MORC1: variants seen among roughly 807,000 people sequenced by gnomAD.
The protein encoded by MORC1 is MORC family CW-type zinc finger 1, also known as MORC family CW-type zinc finger protein 1.
MORC1 carries 59 observed loss-of-function variants against 134.9 expected under a neutral mutation model. The observed-to-expected ratio is 0.44, with a 90% CI of 0.35 to 0.54. MORC1 has a LOEUF of 0.54. Ranked by LOEUF, MORC1 falls within the 20% of genes least tolerant of loss-of-function variation. The pLI is 0.00. For synonymous variants in MORC1, 395 were observed against 391.7 expected (o/e 1.01, Z -0.10); for missense variants, 947 against 1,134.5 (o/e 0.83, Z 2.37).
At chr3:108,974,719 G>T (rs751625375) in intron 24 of MORC1, among the ~76,000 whole-genome samples, 1 of 152,136 alleles carries the variant, frequency 6.6e-6, no homozygotes, top group Non-Finnish European at 1.5e-5. Flanking sequence ...AGAATTTTAC[G>T]CCCAGAGTTG....
chr3:109,050,800 C>T (rs983466838), intron 14 of MORC1, among the ~76,000 whole-genome samples: 2 of 152,070 alleles, frequency 1.3e-5, no homozygotes, highest in Admixed American at 1.3e-4. Flanking sequence ...TTTCCTTTCA[C>T]GGGTGGCCTG....
At chr3:109,006,648 C>T (rs1283547621) in intron 18 of MORC1, among the ~76,000 whole-genome samples, 1 of 151,866 alleles carries the variant, frequency 6.6e-6, no homozygotes, top group East Asian at 1.9e-4. Context: ...AGGAATATAA[C>T]GTAACATGAC....
intron 8 of MORC1, among the ~76,000 whole-genome samples, chr3:109,082,378 T>C (rs746174513): frequency 7.9e-5 from 12 of 151,772 alleles, no homozygotes; most frequent in Non-Finnish European, 1.3e-4. Flanking sequence ...TGCAAAGACA[T>C]AGATGTACAT....
At chr3:108,990,353 C>T (rs1032015773) in intron 21 of MORC1, among the ~76,000 whole-genome samples, 21 of 152,218 alleles carry the variant, frequency 1.4e-4, no homozygotes, top group Middle Eastern at 3.4e-3. Context: ...ACCTCTCTGT[C>T]GTCATCTCAC....
At chr3:109,037,480 T>C (rs1034595234) in intron 14 of MORC1, among the ~76,000 whole-genome samples, 3 of 152,234 alleles carry the variant, frequency 2.0e-5, no homozygotes, top group African/African-American at 4.8e-5. Flanking sequence ...CTAGGGTACA[T>C]GTGCACAACG....
At chr3:109,077,752 C>G (rs1430914113) in intron 8 of MORC1, among the ~76,000 whole-genome samples, 2 of 151,984 alleles carry the variant, frequency 1.3e-5, no homozygotes, top group African/African-American at 4.8e-5. Context: ...AACGTATAAG[C>G]AGGCAGAGCA....
At chr3:109,007,760 T>G (rs1948579828) in intron 17 of MORC1, among the ~76,000 whole-genome samples, 1 of 152,216 alleles carries the variant, frequency 6.6e-6, no homozygotes, top group African/African-American at 2.4e-5. Flanking sequence ...TTCACATGTT[T>G]ATGGAGGTAA....
At chr3:109,040,111 C>T (rs1390789546) in intron 14 of MORC1, among the ~76,000 whole-genome samples, 1 of 150,486 alleles carries the variant, frequency 6.6e-6, no homozygotes, top group African/African-American at 2.4e-5. Flanking sequence ...ACAACAACAA[C>T]AACAAAAAAC....
At chr3:109,040,394 G>GAAAGAA (rs1949486393) in intron 14 of MORC1, among the ~76,000 whole-genome samples, 1 of 63,072 alleles carries the variant, frequency 1.6e-5, no homozygotes, top group African/African-American at 5.4e-5. Context: ...AAGAAAGAAA[G>GAAAGAA]AAAGAAAGAG....
At chr3:109,050,878 T>C (rs1028060117) in intron 14 of MORC1, among the ~76,000 whole-genome samples, 3 of 152,196 alleles carry the variant, frequency 2.0e-5, no homozygotes, top group African/African-American at 7.2e-5. Context: ...AATTTTACCC[T>C]CTTTGCCAAC....
intron 8 of MORC1, among the ~76,000 whole-genome samples, chr3:109,077,876 T>C (rs1190011997): frequency 6.6e-6 from 1 of 151,268 alleles, no homozygotes; most frequent in Non-Finnish European, 1.5e-5. Context: ...CAAATCAAAA[T>C]CAAAATATCA....
At chr3:109,056,938 A>G (rs1358893277) in intron 13 of MORC1, among the ~76,000 whole-genome samples, 1 of 152,238 alleles carries the variant, frequency 6.6e-6, no homozygotes, top group Non-Finnish European at 1.5e-5. Flanking sequence ...ATGATCATGA[A>G]GCTAACTGGC....
chr3:108,991,111 C>A (rs950175515), intron 21 of MORC1, among the ~76,000 whole-genome samples: 6 of 152,162 alleles, frequency 3.9e-5, no homozygotes, highest in Non-Finnish European at 8.8e-5. Flanking sequence ...GCCAGGACAT[C>A]TAGGGCCTTG....
In MORC1 at chr3:109,069,750, C is replaced by T. The variant is rs1950276205; in HGVS notation, c.697G>A (p.Ala233Thr). ...LMAGALEDFP[A>T]RWSFRAYTSV... ...GTGTAGGCTCTGAATGACCACCTCG[C>T]TGGGAAACTGAAATAGAAAATACAA... The change falls in exon 9 of 28, where the codon GCG becomes ACG. Residue 233 changes from alanine (A) to threonine (T), a missense_variant. Around this residue, in one of 3 missense-constraint regions of MORC1, gnomAD observed 214 missense variants for 281.3 expected, o/e 0.76. Coordinates refer to ENST00000232603, the MANE Select transcript of MORC1 (RefSeq NM_014429.4). The T allele has an allele frequency of 1.2e-6, 2 of 1,606,442 alleles. No individual in the cohort carries two copies. Among genetic ancestry groups the T allele is most frequent in the African/African-American group, 2.7e-5 (2 of 74,760 alleles).
chr3:109,113,755 A>G (rs1951217635), intron 2 of MORC1, among the ~76,000 whole-genome samples: 1 of 149,834 alleles, frequency 6.7e-6, no homozygotes, highest in Admixed American at 6.7e-5. Flanking sequence ...TTCCTTAATC[A>G]TTAATACATT....
chr3:109,110,104 T>C (rs1951129103), intron 3 of MORC1: 1 of 152,162 alleles, frequency 6.6e-6, no homozygotes, highest in Admixed American at 6.6e-5. Flanking sequence ...TTAACTGAGG[T>C]GCTTTTTAAA....
chr3:108,964,810 T>C (rs992550592), intron 26 of MORC1, among the ~76,000 whole-genome samples: 3 of 152,196 alleles, frequency 2.0e-5, no homozygotes, highest in Admixed American at 1.3e-4. Context: ...AGGCACTAAA[T>C]AGCAGGGATT....
chr3:108,980,243 A>T (rs1408434394), intron 23 of MORC1, among the ~76,000 whole-genome samples: 1 of 152,176 alleles, frequency 6.6e-6, no homozygotes, highest in South Asian at 2.1e-4. Context: ...GGGCAAGTTC[A>T]TGTAACTTTA....
intron 14 of MORC1, among the ~76,000 whole-genome samples, chr3:109,044,956 A>G (rs1466908954): frequency 6.6e-6 from 1 of 151,306 alleles, no homozygotes; most frequent in Non-Finnish European, 1.5e-5. Context: ...AAAAAAAAAA[A>G]AAAAGAAAAA....
Sources: allele counts gnomAD v4.1 joint callset (sites outside exome capture counted in the v4.1 genomes callset), GRCh38; gene constraint gnomAD v4.1.1; regional missense constraint gnomAD v4.1.1; transcripts MANE v1.5; gene names NCBI Gene and HGNC (gene_info 2026-07-23, HGNC 2026-07-21).